INTS1: variants seen among roughly 807,000 people sequenced by gnomAD.
INTS1 encodes the protein integrator complex subunit 1.
INTS1 carries 137 observed loss-of-function variants against 241.6 expected under a neutral mutation model. The observed-to-expected ratio is 0.57, with a 90% CI of 0.49 to 0.65. The LOEUF (loss-of-function observed/expected upper bound fraction) is 0.65, where lower values mean the gene tolerates loss of function less well. Ranked by LOEUF, INTS1 falls within the 30% of genes least tolerant of loss-of-function variation. INTS1 has a pLI of 0.00. For synonymous variants in INTS1, 1,692 were observed against 1,337.8 expected (o/e 1.26, Z -5.78); for missense variants, 3,073 against 3,032.2 (o/e 1.01, Z -0.32).
At position 1,477,901 on chromosome 7, in the gene INTS1, G is replaced by A. The variant is rs536830558; in HGVS notation, c.4666C>T (p.Leu1556=). Residue 1556 remains leucine, a synonymous_variant, in exon 34 of 48, where the codon CTG becomes TTG. Coordinates refer to ENST00000404767, the MANE Select transcript of INTS1 (RefSeq NM_001080453.3). ...QGLIEVRSPH[L]EELLTAFFSA... ...AAGAATGCAGTCAGCAGCTCCTCCA[G>A]GTGGGGGGACCTCACCTCGATCAGC... 1 of 1,612,640 alleles carries A rather than the reference G, an allele frequency of 6.2e-7. No individual in the cohort carries two copies. Among genetic ancestry groups the A allele is most frequent in the Admixed American group, 1.7e-5 (1 of 60,020 alleles).
rs774653328 is a variant in INTS1 at position 1,478,516 on chromosome 7, G to A, written c.4490-10C>T. 2.1e-5 allele frequency: 33 copies of A among 1,607,524 alleles called. No homozygotes were observed. The South Asian group carries it at 2.9e-4, about 14-fold the overall frequency. ...AGGAGCCCCCCTCGCACTGTGGGAGGTCTGTGTGAGTGCCCTGTGGCTCCA... is the reference window on the plus strand; with the variant it reads ...AGGAGCCCCCCTCGCACTGTGGGAGATCTGTGTGAGTGCCCTGTGGCTCCA... On this transcript the variant is annotated splice_polypyrimidine_tract_variant and intron_variant, in intron 32 of 47. Coordinates refer to ENST00000404767, the MANE Select transcript of INTS1 (RefSeq NM_001080453.3).
intron 14 of INTS1, among the ~76,000 whole-genome samples, chr7:1,494,296 C>T (rs529545167): frequency 9.9e-5 from 15 of 152,284 alleles, no homozygotes; most frequent in African/African-American, 3.6e-4. Flanking sequence ...ACCGGAAGGC[C>T]GCAGTGAAGG....
intron 27 of INTS1, 39 bp downstream of exon 27, chr7:1,482,507 G>A: frequency 6.4e-7 from 1 of 1,560,934 alleles, no homozygotes; most frequent in Non-Finnish European, 8.7e-7. Flanking sequence ...CGGGACCCCT[G>A]AGTCAGCAGC....
chr7:1,483,411 G>A (rs573385267), intron 26 of INTS1: 22 of 415,338 alleles, frequency 5.3e-5, no homozygotes, highest in South Asian at 2.5e-4. Context: ...GTGAAATCCC[G>A]AGTTTGCCGC....
intron 10 of INTS1, among the ~76,000 whole-genome samples, chr7:1,498,031 T>C (rs889592562): frequency 6.8e-6 from 1 of 146,130 alleles, no homozygotes; most frequent in Non-Finnish European, 1.5e-5. Context: ...CTGGGCCACA[T>C]AATAAGACCC....
chr7:1,500,083 G>C, intron 4 of INTS1, 62 bp from the exon 5 acceptor site: 2 of 1,597,054 alleles, frequency 1.3e-6, no homozygotes, highest in Non-Finnish European at 1.7e-6. Flanking sequence ...AGCTGGGGTG[G>C]GCCGGGAGGG....
Position 1,503,058 on chromosome 7 carries a change from C to T in INTS1, c.192G>A (p.Ala64=), listed in dbSNP as rs375057391. 3.5e-5 allele frequency: 56 copies of T among 1,613,338 alleles called. No individual in the cohort carries two copies. The highest frequency in any genetic ancestry group is 1.9e-4 in the African/African-American group (14 of 75,038). The part of the protein sequence containing the change: ...PSERKRDAAA[A]LSSASALTGL... Reference sequence around the variant, plus strand: ...CGGTGAGGGCCGAGGCACTGGACAACGCGGCCGCCGCATCCCGCTTGCGCT... The same window carrying T: ...CGGTGAGGGCCGAGGCACTGGACAATGCGGCCGCCGCATCCCGCTTGCGCT... The change falls in exon 3 of 48, where the codon GCG becomes GCA. Residue 64 remains alanine (A), a synonymous_variant. Coordinates refer to ENST00000404767, the MANE Select transcript of INTS1 (RefSeq NM_001080453.3).
intron 16 of INTS1, among the ~76,000 whole-genome samples, chr7:1,492,744 G>A (rs1364643035): frequency 2.6e-5 from 4 of 152,242 alleles, no homozygotes; most frequent in African/African-American, 4.8e-5. Flanking sequence ...GGTTGGACTC[G>A]GGCCGAGCCA....
chr7:1,475,805 A>G, intron 39 of INTS1, 143 bp downstream of exon 39: 1 of 1,057,430 alleles, frequency 9.5e-7, no homozygotes, highest in South Asian at 1.6e-5. Context: ...AGACAAACCC[A>G]CAGGGCCACA....
chr7:1,492,000 G>A (rs565150504), intron 16 of INTS1, among the ~76,000 whole-genome samples: 1 of 152,348 alleles, frequency 6.6e-6, no homozygotes, highest in Non-Finnish European at 1.5e-5. Context: ...GAGTGCGGGT[G>A]AGGATGGAGA....
chr7:1,486,909 G>T lies in INTS1; in HGVS notation c.2826+13C>A. ...GTGAGAGGCGGGGGGGCTGAGGGGT[G>T]GGCGGCCCTGACCTGCCGCTTCTTG... is the stretch of plus-strand genomic sequence containing the variant. On this transcript the variant is annotated intron_variant, in intron 21 of 47. Transcript: ENST00000404767. 1.3e-6 allele frequency: 2 copies of T among 1,589,198 alleles called. No individual in the cohort carries two copies. Among genetic ancestry groups the T allele is most frequent in the East Asian group, 2.3e-5 (1 of 43,956 alleles).
chr7:1,478,686 A>G, intron 32 of INTS1, 40 bp downstream of exon 32: 2 of 1,515,412 alleles, frequency 1.3e-6, no homozygotes, highest in Non-Finnish European at 1.8e-6. Flanking sequence ...GCCCCTGTCC[A>G]GTGCCCCCCA....
intron 3 of INTS1, among the ~76,000 whole-genome samples, chr7:1,502,405 A>G (rs1212962417): frequency 2.0e-5 from 3 of 152,114 alleles, no homozygotes; most frequent in Admixed American, 6.5e-5. Context: ...TGAAGCTTAC[A>G]TTCCCCCGTT....
intron 16 of INTS1, among the ~76,000 whole-genome samples, chr7:1,490,156 A>G (rs1368352651): frequency 6.6e-6 from 1 of 152,234 alleles, no homozygotes; most frequent in Non-Finnish European, 1.5e-5. Context: ...ACCACACCAG[A>G]AAGCAGAGCG....
intron 30 of INTS1, among the ~76,000 whole-genome samples, 167 bp from the exon 31 acceptor site, chr7:1,479,851 C>T (rs1382071193): frequency 6.6e-6 from 1 of 152,234 alleles, no homozygotes; most frequent in Non-Finnish European, 1.5e-5. Context: ...GCCCTTGAGA[C>T]CTGTGATGTG....
chr7:1,470,279 C>G lies in INTS1; in HGVS notation c.*298G>C. ...CATGGGACACCAGAGAGCACACAGA[C>G]AGTTCAGGTCGTTTCATTCAAAACC... is the stretch of plus-strand genomic sequence containing the variant. On this transcript the variant is annotated 3_prime_UTR_variant, in exon 48 of 48. Transcript: ENST00000404767. The G allele has an allele frequency of 2.8e-6, 1 of 354,440 alleles. No individual in the cohort carries two copies. Among genetic ancestry groups the G allele is most frequent in the Non-Finnish European group, 5.1e-6 (1 of 195,830 alleles). 22.0% of individuals were successfully genotyped at this position (354,440 alleles called of 1,614,324 possible).
At chr7:1,499,853 C>A in intron 5 of INTS1, 31 bp downstream of exon 5, 1 of 1,601,488 alleles carries the variant, frequency 6.2e-7, no homozygotes, top group South Asian at 1.1e-5. Flanking sequence ...GGCGCTCTGC[C>A]ATCTTCACCG....
intron 33 of INTS1, among the ~76,000 whole-genome samples, 179 bp from the exon 34 acceptor site, chr7:1,478,115 T>A (rs186484692): frequency 6.8e-5 from 10 of 147,526 alleles, no homozygotes; most frequent in African/African-American, 2.5e-4. Flanking sequence ...CGGCCGGGGC[T>A]GGAGAGTGCG....
At position 1,493,968 on chromosome 7, in the gene INTS1, G is replaced by A. The variant is rs1270656220; in HGVS notation, c.1911-57C>T. ...GGCTGCCCACACCTGCCAGACCTGA[G>A]GGGCCGAGGACAGGCCAGCTTCTCC... On this transcript the variant is annotated intron_variant, in intron 14 of 47. Transcript: ENST00000404767. The surrounding 1 kb of genome is among the most constrained non-coding windows in gnomAD (Gnocchi z 5.3). 1.3e-6 allele frequency: 2 copies of A among 1,517,336 alleles called. No homozygotes were observed. The highest frequency in any genetic ancestry group is 1.8e-4 in the Middle Eastern group (1 of 5,566). 94.0% of individuals were successfully genotyped at this position (1,517,336 alleles called of 1,614,324 possible). A position where few individuals can be genotyped will look rare whatever the true frequency, so the allele number is the denominator to read the frequency against.
Sources: gnomAD v4.1 joint callset for allele counts (sites outside exome capture counted in the v4.1 genomes callset) on GRCh38, gnomAD v4.1.1 for gene constraint, Gnocchi (gnomAD v3.1) non-coding constraint, MANE v1.5 for transcripts, NCBI Gene and HGNC (gene_info 2026-07-23, HGNC 2026-07-21) for gene names.